Variants in TOX observed in about 807,000 individuals in gnomAD.
TOX encodes the protein thymocyte selection-associated high mobility group box protein TOX.
A neutral mutation model predicts 53.7 loss-of-function variants in TOX; 11 were observed. The observed-to-expected ratio is 0.20, with a 90% CI of 0.13 to 0.34. The LOEUF (loss-of-function observed/expected upper bound fraction) is 0.34, where lower values mean the gene tolerates loss of function less well. Among genes scored for constraint, TOX ranks in the 10% least tolerant of loss-of-function variants. TOX has a pLI of 1.00. For synonymous variants in TOX, 225 were observed against 245.3 expected (o/e 0.92, Z 0.77); for missense variants, 570 against 664.6 (o/e 0.86, Z 1.56).
chr8:58,966,709 T>C lies in TOX; in HGVS notation c.103-6701A>G, dbSNP rs534552941. ...ATTTTCAATAATAATAATAATACTA[T>C]GCATTTATCCTAAACCTGTGGCTCC... is the stretch of plus-strand genomic sequence containing the variant. On this transcript the variant is annotated intron_variant, in intron 1 of 8. Coordinates refer to ENST00000361421, the MANE Select transcript of TOX (RefSeq NM_014729.3). Among the ~76,000 whole-genome samples, 11 of 152,300 alleles carry C rather than the reference T, an allele frequency of 7.2e-5. No homozygotes were observed. The East Asian group carries it at 2.1e-3, about 29-fold the overall frequency.
At chr8:58,930,333 A>G (rs145854822) in intron 3 of TOX, among the ~76,000 whole-genome samples, 26 of 152,354 alleles carry the variant, frequency 1.7e-4, no homozygotes, top group African/African-American at 5.3e-4. Context: ...TGGGCTGTAC[A>G]CTTATATAGA....
intron 3 of TOX, among the ~76,000 whole-genome samples, chr8:58,914,920 C>T (rs926260222): frequency 1.3e-5 from 2 of 152,024 alleles, no homozygotes; most frequent in African/African-American, 2.4e-5. Context: ...GTTCCCTTTC[C>T]GAGTCAAAGA....
chr8:59,018,943 C>T (rs1251046142), intron 1 of TOX, among the ~76,000 whole-genome samples: 2 of 152,094 alleles, frequency 1.3e-5, no homozygotes, highest in African/African-American at 2.4e-5. Flanking sequence ...ATTTAACTTG[C>T]CAGGACAGTT....
chr8:59,025,980 C>T (rs749916289), intron 1 of TOX, among the ~76,000 whole-genome samples: 4 of 152,182 alleles, frequency 2.6e-5, no homozygotes, highest in Admixed American at 6.5e-5. Context: ...CAATGCACCA[C>T]GTGAGTGTAA....
intron 1 of TOX, among the ~76,000 whole-genome samples, chr8:59,019,459 A>G (rs994885803): frequency 6.6e-6 from 1 of 152,242 alleles, no homozygotes; most frequent in African/African-American, 2.4e-5. Flanking sequence ...CAGAAAGAAT[A>G]GTGTAATGGA....
intron 2 of TOX, among the ~76,000 whole-genome samples, chr8:58,952,860 T>C (rs986281870): frequency 1.3e-5 from 2 of 152,152 alleles, no homozygotes; most frequent in South Asian, 2.1e-4. Context: ...ATGTATATGA[T>C]ACACAACATT....
chr8:59,103,631 C>T (rs1044727079), intron 1 of TOX, among the ~76,000 whole-genome samples: 2 of 152,174 alleles, frequency 1.3e-5, no homozygotes, highest in Non-Finnish European at 2.9e-5. Flanking sequence ...TATAAATTCC[C>T]TCCCATTCAT....
At chr8:58,867,018 A>G (rs1052872346) in intron 3 of TOX, among the ~76,000 whole-genome samples, 3 of 152,198 alleles carry the variant, frequency 2.0e-5, no homozygotes, top group Admixed American at 6.5e-5. Flanking sequence ...TGCACCATTA[A>G]AGTTTAGAGC....
chr8:59,022,037 A>G (rs1052382405), intron 1 of TOX, among the ~76,000 whole-genome samples: 2 of 152,168 alleles, frequency 1.3e-5, no homozygotes, highest in African/African-American at 4.8e-5. Flanking sequence ...TACAGAAACC[A>G]TTTGTCACTT....
At chr8:58,921,932 C>G (rs559835489) in intron 3 of TOX, among the ~76,000 whole-genome samples, 2 of 152,180 alleles carry the variant, frequency 1.3e-5, no homozygotes, top group Non-Finnish European at 2.9e-5. Context: ...CTATTACCTA[C>G]GGACTCCTAG....
At chr8:58,807,918 C>A in intron 8 of TOX, 135 bp from the exon 9 acceptor site, 1 of 1,304,870 alleles carries the variant, frequency 7.7e-7, no homozygotes, top group Non-Finnish European at 1.1e-6. Context: ...AGTTAACCTA[C>A]ATCTGAAGTG....
intron 1 of TOX, among the ~76,000 whole-genome samples, chr8:59,089,076 T>G (rs747850050): frequency 6.6e-6 from 1 of 152,158 alleles, no homozygotes; most frequent in Non-Finnish European, 1.5e-5. Flanking sequence ...GAAATCAAGA[T>G]CTTAATGAAC....
At chr8:59,047,203 GTTTTTT>G (rs10551461) in intron 1 of TOX, among the ~76,000 whole-genome samples, 1 of 44,672 alleles carries the variant, frequency 2.2e-5, no homozygotes, top group African/African-American at 9.0e-5. Flanking sequence ...ACCAAGAATT[GTTTTTT>G]TTTTTTTTTT....
rs1478596555 is a variant in TOX at position 59,015,138 on chromosome 8, G to T, written c.103-55130C>A. On this transcript the variant is annotated intron_variant, in intron 1 of 8. Coordinates refer to ENST00000361421, the MANE Select transcript of TOX (RefSeq NM_014729.3). ...AACAGTGGTTACTAATTATGGCAGA[G>T]CCCTGGACGGGACAGCCAGTCTGTA... 2.0e-5 allele frequency among the ~76,000 whole-genome samples: 3 copies of T among 152,220 alleles called. No homozygotes were observed. The East Asian group carries it at 5.8e-4, about 29-fold the overall frequency.
intron 1 of TOX, among the ~76,000 whole-genome samples, chr8:59,081,418 T>A (rs1804406065): frequency 6.6e-6 from 1 of 152,108 alleles, no homozygotes; most frequent in Non-Finnish European, 1.5e-5. Flanking sequence ...AGTTGAGAGA[T>A]GGCAAAAATG....
rs1173710545 is a variant in TOX at position 58,873,958 on chromosome 8, CTTTTTTTTTTT to C, written c.412-22164_412-22154del. Among the ~76,000 whole-genome samples, 24 of 40,136 alleles carry C rather than the reference CTTTTTTTTTTT, an allele frequency of 6.0e-4. 1 individual carries two copies. Among genetic ancestry groups the C allele is most frequent in the East Asian group, 3.9e-3 (5 of 1,298 alleles). The allele number at this position is 40,136 out of a possible 152,430, so 26.3% of individuals were successfully genotyped here. ...AATACACATCCTGAATGCCAGGAAG[CTTTTTTTTTTT>C]TTTTTTTTTTTTTTTTTGGGAAACC... On this transcript the variant is annotated intron_variant, in intron 3 of 8. Coordinates refer to ENST00000361421, the MANE Select transcript of TOX (RefSeq NM_014729.3).
chr8:59,090,101 G>A (rs1804584924), intron 1 of TOX, among the ~76,000 whole-genome samples: 1 of 152,184 alleles, frequency 6.6e-6, no homozygotes, highest in African/African-American at 2.4e-5. Context: ...TTAAAGAAGT[G>A]ACAATATTGA....
intron 3 of TOX, among the ~76,000 whole-genome samples, chr8:58,928,644 A>G (rs1164636131): frequency 6.6e-6 from 1 of 152,082 alleles, no homozygotes; most frequent in East Asian, 1.9e-4. Flanking sequence ...ATATATATAT[A>G]TACACACACA....
chr8:59,039,599 T>A (rs1803539566), intron 1 of TOX, among the ~76,000 whole-genome samples: 1 of 152,222 alleles, frequency 6.6e-6, no homozygotes, highest in East Asian at 1.9e-4. Flanking sequence ...CCTCTCATTA[T>A]CCTTCCGACA....
Sources: gnomAD v4.1 joint callset for allele counts (sites outside exome capture counted in the v4.1 genomes callset) on GRCh38, gnomAD v4.1.1 for gene constraint, MANE v1.5 for transcripts, NCBI Gene and HGNC (gene_info 2026-07-23, HGNC 2026-07-21) for gene names.